ANO3: variants seen among roughly 807,000 people sequenced by gnomAD.
ANO3 encodes anoctamin-3.
In ANO3, 99 loss-of-function variants were observed where a neutral mutation model predicts 144.8. The observed-to-expected ratio is 0.68, with a 90% CI of 0.58 to 0.81. The LOEUF (loss-of-function observed/expected upper bound fraction) is 0.81, where lower values mean the gene tolerates loss of function less well. Among genes scored for constraint, ANO3 ranks in the 30% least tolerant of loss-of-function variants. ANO3 has a pLI of 0.00. For missense variants in ANO3, 905 were observed against 1,202.2 expected (o/e 0.75, Z 3.66); for synonymous variants, 414 against 392.6 (o/e 1.05, Z -0.64).
intron 1 of ANO3, among the ~76,000 whole-genome samples, chr11:26,282,503 C>T (rs1002473033): frequency 1.2e-4 from 18 of 151,962 alleles, no homozygotes; most frequent in South Asian, 4.2e-4. Flanking sequence ...CACTTCTTCT[C>T]GGCTTTGGAA....
intron 4 of ANO3, among the ~76,000 whole-genome samples, chr11:26,500,664 G>C (rs1861156532): frequency 6.6e-6 from 1 of 151,766 alleles, no homozygotes; most frequent in Non-Finnish European, 1.5e-5. Flanking sequence ...TTTTATTGTT[G>C]AGTTATAAGA....
At chr11:26,317,272 T>C (rs997627276) in intron 1 of ANO3, among the ~76,000 whole-genome samples, 1 of 151,630 alleles carries the variant, frequency 6.6e-6, no homozygotes, top group Non-Finnish European at 1.5e-5. Context: ...ATCCAGGCTG[T>C]TTTGAAATGT....
intron 4 of ANO3, among the ~76,000 whole-genome samples, chr11:26,480,643 A>T (rs1860174595): frequency 6.6e-6 from 1 of 151,974 alleles, no homozygotes; most frequent in African/African-American, 2.4e-5. Flanking sequence ...CCTTGTCTCT[A>T]CTAAAAATAT....
At chr11:26,544,273 T>TATATATATATATATATATATAA in intron 11 of ANO3, among the ~76,000 whole-genome samples, 1 of 58,568 alleles carries the variant, frequency 1.7e-5, no homozygotes, top group South Asian at 9.9e-4. Context: ...TATATATATA[T>TATATATATATATATATATATAA]ACACACATAC....
intron 14 of ANO3, among the ~76,000 whole-genome samples, chr11:26,586,652 G>A (rs960122595): frequency 1.2e-4 from 18 of 151,392 alleles, no homozygotes; most frequent in African/African-American, 1.7e-4. Context: ...ACAGGCGCCC[G>A]CCACCACACC....
chr11:26,574,691 TAGAG>T (rs760466122), intron 14 of ANO3, among the ~76,000 whole-genome samples: 1 of 152,102 alleles, frequency 6.6e-6, no homozygotes, highest in Non-Finnish European at 1.5e-5. Context: ...AGGATAGAAA[TAGAG>T]GGATTATTCT....
chr11:26,290,268 A>AT (rs1853925278), intron 1 of ANO3, among the ~76,000 whole-genome samples: 1 of 152,008 alleles, frequency 6.6e-6, no homozygotes, highest in South Asian at 2.1e-4. Context: ...CCCCTTTATC[A>AT]TTTTTTATCG....
chr11:26,217,207 G>A (rs966845269), intron 1 of ANO3, among the ~76,000 whole-genome samples: 8 of 151,754 alleles, frequency 5.3e-5, no homozygotes, highest in East Asian at 1.9e-4. Flanking sequence ...TTACATTTAC[G>A]TCTATGATCC....
intron 1 of ANO3, among the ~76,000 whole-genome samples, chr11:26,354,825 C>G (rs562025467): frequency 6.6e-6 from 1 of 151,918 alleles, no homozygotes; most frequent in South Asian, 2.1e-4. Context: ...AATGTATAGT[C>G]AAATAGAAGT....
At chr11:26,637,337 T>C (rs1036859426) in intron 20 of ANO3, among the ~76,000 whole-genome samples, 1 of 152,164 alleles carries the variant, frequency 6.6e-6, no homozygotes, top group African/African-American at 2.4e-5. Context: ...ATAATGTTTG[T>C]GTTAAACCCA....
At chr11:26,315,008 C>G (rs978604112) in intron 1 of ANO3, among the ~76,000 whole-genome samples, 5 of 151,824 alleles carry the variant, frequency 3.3e-5, no homozygotes, top group African/African-American at 1.2e-4. Flanking sequence ...GGGTTTAATC[C>G]CAATAGTTTT....
intron 1 of ANO3, among the ~76,000 whole-genome samples, chr11:26,277,507 T>C (rs1414893614): frequency 6.6e-6 from 1 of 152,062 alleles, no homozygotes; most frequent in African/African-American, 2.4e-5. Flanking sequence ...TAAATAAAAC[T>C]TTCACAATTT....
At chr11:26,599,258 C>A (rs539149069) in intron 16 of ANO3, among the ~76,000 whole-genome samples, 2 of 152,160 alleles carry the variant, frequency 1.3e-5, no homozygotes, top group South Asian at 4.2e-4. Context: ...TATCAGTTGA[C>A]CTGATGGATT....
In ANO3 at chr11:26,661,863, A is replaced by G. The variant is rs569723167; in HGVS notation, c.*1419A>G. On this transcript the variant is annotated 3_prime_UTR_variant, in exon 27 of 27. Transcript: ENST00000256737. ...GGAAAGGAAGAAAGAGAAGAGCTGA[A>G]GTAAATGTATGGTAGAAATTAAGAC... 1 of 152,254 alleles carries G rather than the reference A, an allele frequency of 6.6e-6. No homozygotes were observed. Among genetic ancestry groups the G allele is most frequent in the Non-Finnish European group, 1.5e-5 (1 of 67,990 alleles). The allele number at this position is 152,254 out of a possible 1,614,324, so 9.4% of individuals were successfully genotyped here.
chr11:26,408,076 T>C (rs376794711), intron 1 of ANO3, among the ~76,000 whole-genome samples: 1 of 152,044 alleles, frequency 6.6e-6, no homozygotes, highest in African/African-American at 2.4e-5. Flanking sequence ...AAGGACTTCA[T>C]GTCTAAAACA....
intron 4 of ANO3, among the ~76,000 whole-genome samples, chr11:26,491,020 T>C (rs1355772095): frequency 1.3e-5 from 2 of 152,232 alleles, no homozygotes; most frequent in African/African-American, 2.4e-5. Context: ...GCAATTCTTT[T>C]ATTCTATTTA....
intron 1 of ANO3, among the ~76,000 whole-genome samples, chr11:26,289,742 ATATATTCTATATGTG>A (rs1853909496): frequency 1.4e-5 from 2 of 146,934 alleles, no homozygotes; most frequent in African/African-American, 2.5e-5. Flanking sequence ...ATATGTGTAT[ATATATTCTATATGTG>A]TATATATATG....
At chr11:26,525,199 A>G (rs961352611) in intron 6 of ANO3, among the ~76,000 whole-genome samples, 2 of 152,252 alleles carry the variant, frequency 1.3e-5, no homozygotes, top group African/African-American at 2.4e-5. Context: ...TTTAGTGGTT[A>G]TAACACTCCT....
intron 1 of ANO3, among the ~76,000 whole-genome samples, chr11:26,347,480 A>G (rs1855526344): frequency 6.6e-6 from 1 of 152,210 alleles, no homozygotes; most frequent in Non-Finnish European, 1.5e-5. Context: ...ACAAGACCAG[A>G]CTTCAAAATA....
Sources: allele counts gnomAD v4.1 joint callset (sites outside exome capture counted in the v4.1 genomes callset), GRCh38; gene constraint gnomAD v4.1.1; transcripts MANE v1.5; gene names NCBI Gene and HGNC (gene_info 2026-07-23, HGNC 2026-07-21).